RBFOX3: variants seen among roughly 807,000 people sequenced by gnomAD.
RBFOX3 encodes RNA binding fox-1 homolog 3.
A neutral mutation model predicts 48.7 loss-of-function variants in RBFOX3; 17 were observed. That is an observed-to-expected ratio of 0.35 (90% CI 0.24 to 0.52). The LOEUF (loss-of-function observed/expected upper bound fraction) is 0.52, where lower values mean the gene tolerates loss of function less well. Among genes scored for constraint, RBFOX3 ranks in the 20% least tolerant of loss-of-function variants. The pLI is 0.94. For missense variants in RBFOX3, 382 were observed against 497.5 expected, an observed-to-expected ratio of 0.77 and a Z score of 2.21; for synonymous variants, 212 against 209.5, an observed-to-expected ratio of 1.01 and a Z score of -0.10.
chr17:79,377,250 G>T (rs940807839), intron 2 of RBFOX3, among the ~76,000 whole-genome samples: 1 of 152,068 alleles, frequency 6.6e-6, no homozygotes, highest in African/African-American at 2.4e-5. Flanking sequence ...ATGCAGAGAC[G>T]TGGACCACAG....
At chr17:79,539,902 G>T (rs1190102894) in intron 1 of RBFOX3, among the ~76,000 whole-genome samples, 1 of 152,190 alleles carries the variant, frequency 6.6e-6, no homozygotes, top group Non-Finnish European at 1.5e-5. Context: ...GGTTTTTAGT[G>T]TAAGTAGGTC....
chr17:79,523,412 T>C (rs1036468599), intron 1 of RBFOX3, among the ~76,000 whole-genome samples: 2 of 152,176 alleles, frequency 1.3e-5, no homozygotes, highest in Non-Finnish European at 2.9e-5. Context: ...TTTCAAGTGT[T>C]CAGAGGGCGG....
intron 4 of RBFOX3, among the ~76,000 whole-genome samples, chr17:79,211,758 T>G (rs1408086155): frequency 6.6e-6 from 1 of 152,158 alleles, no homozygotes; most frequent in African/African-American, 2.4e-5. Flanking sequence ...TCACTGCTGG[T>G]TGGGGCATTT....
the RBFOX3 span, among the ~76,000 whole-genome samples, chr17:79,648,256 G>C: frequency 6.6e-6 from 1 of 152,188 alleles, no homozygotes; most frequent in Non-Finnish European, 1.5e-5. Flanking sequence ...GGACTGGCAA[G>C]AGTACCTGCA....
intron 2 of RBFOX3, among the ~76,000 whole-genome samples, chr17:79,457,151 G>C (rs1555745481): frequency 6.6e-6 from 1 of 152,218 alleles, no homozygotes; most frequent in Non-Finnish European, 1.5e-5. Flanking sequence ...CCTACTTCCT[G>C]GTCCCCTGAG....
At chr17:79,451,921 T>C (rs1317787631) in intron 2 of RBFOX3, among the ~76,000 whole-genome samples, 1 of 152,164 alleles carries the variant, frequency 6.6e-6, no homozygotes, top group East Asian at 1.9e-4. Context: ...GCCCACAGCA[T>C]CCCTGCCACC....
At chr17:79,281,781 C>G (rs1192486706) in intron 3 of RBFOX3, among the ~76,000 whole-genome samples, 1 of 152,214 alleles carries the variant, frequency 6.6e-6, no homozygotes, top group African/African-American at 2.4e-5. Context: ...AATAAGTAGC[C>G]TTGAGGTTTT....
At chr17:79,297,180 G>A (rs2074526451) in intron 3 of RBFOX3, among the ~76,000 whole-genome samples, 1 of 152,056 alleles carries the variant, frequency 6.6e-6, no homozygotes, top group Non-Finnish European at 1.5e-5. Flanking sequence ...GGGGACTGGG[G>A]TCACATAAAA....
intron 4 of RBFOX3, among the ~76,000 whole-genome samples, chr17:79,192,528 C>T (rs937318713): frequency 2.6e-5 from 4 of 152,218 alleles, no homozygotes; most frequent in Non-Finnish European, 5.9e-5. Flanking sequence ...TTTCTTATTG[C>T]TGCTGCTGCC....
At chr17:79,621,696 T>A in the RBFOX3 span, among the ~76,000 whole-genome samples, 1 of 152,158 alleles carries the variant, frequency 6.6e-6, no homozygotes, top group African/African-American at 2.4e-5. Flanking sequence ...TCACTAAATG[T>A]TCATGCGTGC....
chr17:79,521,217 G>GACACAC lies in RBFOX3; in HGVS notation c.-319-38625_-319-38620dup, dbSNP rs1284110564. 1.4e-3 allele frequency among the ~76,000 whole-genome samples: 208 copies of GACACAC among 151,154 alleles called. 1 individual carries two copies. Among genetic ancestry groups the GACACAC allele is most frequent in the African/African-American group, 4.8e-3 (198 of 41,150 alleles). The stretch of plus-strand genomic sequence containing the variant: ...ACACACAGATACACACTCACGCTCA[G>GACACAC]ACACACACACACACATTCTCATGCC... On this transcript the variant is annotated intron_variant, in intron 1 of 14. Coordinates refer to ENST00000693108, the MANE Select transcript of RBFOX3 (RefSeq NM_001350451.2).
intron 2 of RBFOX3, among the ~76,000 whole-genome samples, chr17:79,466,663 C>CCA (rs1331527889): frequency 1.3e-5 from 2 of 151,994 alleles, no homozygotes; most frequent in African/African-American, 2.4e-5. Flanking sequence ...AATGAAAGTC[C>CCA]CACACACACA....
intron 1 of RBFOX3, among the ~76,000 whole-genome samples, chr17:79,506,369 G>T (rs1474220656): frequency 2.6e-5 from 4 of 152,186 alleles, no homozygotes; most frequent in Non-Finnish European, 5.9e-5. Context: ...TGGCTCCCAC[G>T]ATCACTGCAT....
At chr17:79,245,906 A>G (rs1456906201) in intron 3 of RBFOX3, among the ~76,000 whole-genome samples, 4 of 152,120 alleles carry the variant, frequency 2.6e-5, no homozygotes, top group Non-Finnish European at 4.4e-5. Flanking sequence ...GATTCCAGAC[A>G]TGAGCCACCA....
chr17:79,092,674 G>T, intron 14 of RBFOX3: 2 of 951,650 alleles, frequency 2.1e-6, no homozygotes, highest in Non-Finnish European at 2.5e-6. Flanking sequence ...CAGCCAATCA[G>T]TACCGTCTTT....
At chr17:79,176,426 C>T (rs2050554140) in intron 4 of RBFOX3, among the ~76,000 whole-genome samples, 1 of 152,228 alleles carries the variant, frequency 6.6e-6, no homozygotes, top group South Asian at 2.1e-4. Flanking sequence ...GCAGCTCAGC[C>T]GAGTAGTCCC....
intron 2 of RBFOX3, among the ~76,000 whole-genome samples, chr17:79,475,989 G>C (rs1214267892): frequency 1.3e-5 from 2 of 152,222 alleles, no homozygotes; most frequent in Non-Finnish European, 2.9e-5. Context: ...GGCAGTCACG[G>C]GACACCGACC....
chr17:79,254,882 G>T lies in RBFOX3; in HGVS notation c.-73-19077C>A, dbSNP rs1008376169. On this transcript the variant is annotated intron_variant, in intron 3 of 14. Transcript: ENST00000693108. This position sits in a 1 kb window ranked among gnomAD's most constrained non-coding sequence, Gnocchi z 4.8. Reference sequence around the variant, plus strand: ...GGCTGGACTCTCTAAGGACAACGTGGGGCTTCAGGCTGACATGCTGGGATT... The same window carrying T: ...GGCTGGACTCTCTAAGGACAACGTGTGGCTTCAGGCTGACATGCTGGGATT... Among the ~76,000 whole-genome samples the T allele has an allele frequency of 2.0e-5, 3 of 152,140 alleles. No individual in the cohort carries two copies. Among genetic ancestry groups the T allele is most frequent in the Admixed American group, 1.3e-4 (2 of 15,266 alleles).
At position 79,097,338 on chromosome 17, in the gene RBFOX3, T is replaced by C. The variant is rs551476510; in HGVS notation, c.709A>G (p.Thr237Ala). Residue 237 changes from threonine to alanine, a missense_variant, in exon 11 of 15, where the codon ACA becomes GCA. Transcript: ENST00000693108. ...LRGRGRAVYN[T>A]FRAAPPPPPI... The stretch of plus-strand genomic sequence containing the variant: ...GGTGGGGGTGGCGCAGCCCGAAATG[T>C]ATTATACACGGCCCGGCCCCGGCCC... The C allele has an allele frequency of 8.8e-5, 136 of 1,547,826 alleles. 1 individual carries two copies. The East Asian group carries it at 3.3e-3, about 37-fold the overall frequency.
Sources: allele counts gnomAD v4.1 joint callset (sites outside exome capture counted in the v4.1 genomes callset), GRCh38; gene constraint gnomAD v4.1.1; non-coding constraint Gnocchi (gnomAD v3.1); transcripts MANE v1.5; gene names NCBI Gene and HGNC (gene_info 2026-07-23, HGNC 2026-07-21).